Variants in GALNT13 observed in about 807,000 individuals in gnomAD.
GALNT13 encodes UDP-GalNAc:polypeptide N-acetylgalactosaminyltransferase 13.
Under a neutral mutation model 64.2 loss-of-function variants are expected in GALNT13, and 28 were observed. That is an observed-to-expected ratio of 0.44 (90% CI 0.32 to 0.60). GALNT13 has a LOEUF of 0.60. GALNT13 is among the 20% of genes least tolerant of loss of function. The pLI is 0.05. For missense variants in GALNT13, 577 were observed against 669.8 expected (o/e 0.86, Z 1.53); for synonymous variants, 214 against 224.6 (o/e 0.95, Z 0.42).
At chr2:154,218,139 G>A (rs775460673) in intron 4 of GALNT13, among the ~76,000 whole-genome samples, 3 of 152,112 alleles carry the variant, frequency 2.0e-5, no homozygotes, top group Non-Finnish European at 4.4e-5. Context: ...GGGCAAATAT[G>A]TAGTTAAGTG....
the GALNT13 span, among the ~76,000 whole-genome samples, chr2:153,181,765 A>T: frequency 6.9e-6 from 1 of 145,872 alleles, no homozygotes; most frequent in African/African-American, 2.5e-5. Flanking sequence ...TATGTATATA[A>T]TACAAATATA....
intron 10 of GALNT13, among the ~76,000 whole-genome samples, chr2:154,398,879 T>C (rs554679259): frequency 5.5e-4 from 84 of 152,200 alleles, no homozygotes; most frequent in Non-Finnish European, 9.8e-4. Flanking sequence ...CTAGGTGCTT[T>C]AGATGAATTA....
chr2:153,269,182 T>A, the GALNT13 span, among the ~76,000 whole-genome samples: 13 of 152,204 alleles, frequency 8.5e-5, no homozygotes, highest in Admixed American at 2.6e-4. Context: ...TCTACTTTTT[T>A]AAAAAAAATA....
At chr2:154,296,808 A>G (rs1453024623) in intron 8 of GALNT13, among the ~76,000 whole-genome samples, 1 of 152,122 alleles carries the variant, frequency 6.6e-6, no homozygotes, top group Non-Finnish European at 1.5e-5. Flanking sequence ...TCTGGGATAC[A>G]TGTGCAGAAT....
the GALNT13 span, among the ~76,000 whole-genome samples, chr2:153,210,007 T>A: frequency 6.6e-6 from 1 of 152,170 alleles, no homozygotes; most frequent in East Asian, 1.9e-4. Flanking sequence ...ATTGATTTAA[T>A]AAATAAATAT....
the GALNT13 span, among the ~76,000 whole-genome samples, chr2:153,474,929 T>C: frequency 6.6e-6 from 1 of 152,240 alleles, no homozygotes; most frequent in African/African-American, 2.4e-5. Flanking sequence ...AGGCTGACAT[T>C]GTTTTCTTAG....
the GALNT13 span, among the ~76,000 whole-genome samples, chr2:153,837,338 C>A: frequency 4.9e-3 from 743 of 152,142 alleles, 5 homozygotes; most frequent in Non-Finnish European, 8.0e-3. Flanking sequence ...ATCCTTTGCC[C>A]AGTTTTTGAT....
At chr2:153,721,235 A>G in the GALNT13 span, among the ~76,000 whole-genome samples, 1 of 149,664 alleles carries the variant, frequency 6.7e-6, no homozygotes, top group South Asian at 2.2e-4. Flanking sequence ...AAGGAGAAAT[A>G]AAATACTTTA....
intron 8 of GALNT13, among the ~76,000 whole-genome samples, chr2:154,299,122 A>T (rs1693271805): frequency 6.7e-6 from 1 of 149,736 alleles, no homozygotes; most frequent in South Asian, 2.1e-4. Flanking sequence ...TAGATATTAA[A>T]CAATTGATTT....
At chr2:153,301,948 T>A in the GALNT13 span, among the ~76,000 whole-genome samples, 3 of 151,830 alleles carry the variant, frequency 2.0e-5, no homozygotes, top group Admixed American at 6.6e-5. Context: ...ATTCCTTTGC[T>A]GATAAACACT....
intron 9 of GALNT13, among the ~76,000 whole-genome samples, chr2:154,344,247 T>C (rs186323703): frequency 3.6e-4 from 55 of 150,936 alleles, no homozygotes; most frequent in African/African-American, 1.3e-3. Context: ...TAATGCTACA[T>C]AGTTAACAAA....
chr2:154,089,710 A>G (rs1168692652), intron 3 of GALNT13, among the ~76,000 whole-genome samples: 1 of 151,872 alleles, frequency 6.6e-6, no homozygotes, highest in Non-Finnish European at 1.5e-5. Context: ...TGTGGCTCAA[A>G]TTCCACAGAC....
the GALNT13 span, among the ~76,000 whole-genome samples, chr2:153,635,232 G>T: frequency 6.6e-6 from 1 of 151,552 alleles, no homozygotes; most frequent in Non-Finnish European, 1.5e-5. Context: ...TTTTTTCTGA[G>T]AAATTTTGCC....
chr2:153,478,288 T>A, the GALNT13 span: 1 of 1,614,072 alleles, frequency 6.2e-7, no homozygotes, highest in South Asian at 1.1e-5. Context: ...CCTCCGGTCC[T>A]TCACGAGGAA....
chr2:153,842,368 GA>G, the GALNT13 span, among the ~76,000 whole-genome samples: 18 of 152,138 alleles, frequency 1.2e-4, no homozygotes, highest in Non-Finnish European at 4.4e-5. Context: ...ACAGGCTGGT[GA>G]GAAAAATATT....
At chr2:153,495,592 C>T in the GALNT13 span, among the ~76,000 whole-genome samples, 1 of 152,158 alleles carries the variant, frequency 6.6e-6, no homozygotes, top group African/African-American at 2.4e-5. Flanking sequence ...AAGGAACCTA[C>T]TGATGCAAAC....
chr2:153,125,576 A>G, the GALNT13 span, among the ~76,000 whole-genome samples: 1 of 152,352 alleles, frequency 6.6e-6, no homozygotes, highest in East Asian at 1.9e-4. Context: ...GTATGCAGGC[A>G]TATTATGAAA....
At chr2:153,359,244 C>T in the GALNT13 span, among the ~76,000 whole-genome samples, 1 of 152,092 alleles carries the variant, frequency 6.6e-6, no homozygotes, top group Non-Finnish European at 1.5e-5. Flanking sequence ...TATGCTTTTG[C>T]AACTTTAATG....
At chr2:154,032,526 GA>G (rs1698402963) in intron 3 of GALNT13, among the ~76,000 whole-genome samples, 2 of 151,390 alleles carry the variant, frequency 1.3e-5, no homozygotes, top group Non-Finnish European at 2.9e-5. Flanking sequence ...AAAATTTTAA[GA>G]AAAATCATCT....
Sources: gnomAD v4.1 joint callset for allele counts (sites outside exome capture counted in the v4.1 genomes callset) on GRCh38, gnomAD v4.1.1 for gene constraint, MANE v1.5 for transcripts, NCBI Gene and HGNC (gene_info 2026-07-23, HGNC 2026-07-21) for gene names.